The following SNRNP40 variants were observed in gnomAD, a reference collection of about 807,000 sequenced individuals.
The protein encoded by SNRNP40 is U5 small nuclear ribonucleoprotein 40 kDa protein.
Under a neutral mutation model 45.8 loss-of-function variants are expected in SNRNP40, and 21 were observed. That is an observed-to-expected ratio of 0.46 (90% confidence interval 0.32 to 0.66). SNRNP40 has a LOEUF of 0.66. Ranked by LOEUF, SNRNP40 falls within the 30% of genes least tolerant of loss-of-function variation. The pLI, the probability that SNRNP40 is intolerant of heterozygous loss-of-function variation, is 0.03. For synonymous variants in SNRNP40, 142 were observed against 163.8 expected (o/e 0.87, Z 1.01); for missense variants, 344 against 439.1 (o/e 0.78, Z 1.94).
chr1:31,260,624 A>G (rs1645851596), intron 9 of SNRNP40, among the ~76,000 whole-genome samples: 1 of 151,424 alleles, frequency 6.6e-6, no homozygotes, highest in East Asian at 2.0e-4. Context: ...CACTTTGGGA[A>G]GCTGAGGCGG....
intron 5 of SNRNP40, among the ~76,000 whole-genome samples, chr1:31,278,816 G>T (rs773154591): frequency 6.6e-6 from 1 of 152,108 alleles, no homozygotes; most frequent in South Asian, 2.1e-4. Flanking sequence ...TGGAGTTGTG[G>T]AAGTAGACGA....
chr1:31,260,191 T>C, intron 9 of SNRNP40, 70 bp from the exon 10 acceptor site: 1 of 1,046,048 alleles, frequency 9.6e-7, no homozygotes, highest in Non-Finnish European at 1.4e-6. Flanking sequence ...AGGGCTCTTG[T>C]GTCAAGAGCC....
At chr1:31,281,325 C>G in intron 5 of SNRNP40, 49 bp downstream of exon 5, 2 of 1,501,908 alleles carry the variant, frequency 1.3e-6, no homozygotes, top group Non-Finnish European at 1.8e-6. Flanking sequence ...AAATTCGTTT[C>G]TAAGTGCAGA....
intron 7 of SNRNP40, among the ~76,000 whole-genome samples, chr1:31,268,891 G>A (rs1179311969): frequency 6.6e-6 from 1 of 152,152 alleles, no homozygotes; most frequent in Non-Finnish European, 1.5e-5. Context: ...AATTAAAAAG[G>A]CCAGGAGTCT....
intron 2 of SNRNP40, among the ~76,000 whole-genome samples, chr1:31,292,641 A>T (rs1646115719): frequency 6.6e-6 from 1 of 151,988 alleles, no homozygotes; most frequent in African/African-American, 2.4e-5. Context: ...GAAGCATCTG[A>T]TTTTTTTTCC....
chr1:31,272,425 G>A (rs1422056343), intron 5 of SNRNP40, among the ~76,000 whole-genome samples: 1 of 152,160 alleles, frequency 6.6e-6, no homozygotes, highest in Non-Finnish European at 1.5e-5. Flanking sequence ...TTAAATTATG[G>A]TTCATAAGCA....
intron 9 of SNRNP40, 76 bp from the exon 10 acceptor site, chr1:31,260,197 G>C: frequency 1.0e-6 from 1 of 991,324 alleles, no homozygotes; most frequent in South Asian, 1.7e-5. Context: ...CTTGTGTCAA[G>C]AGCCAATTCT....
intron 3 of SNRNP40, among the ~76,000 whole-genome samples, chr1:31,291,215 G>A (rs537137352): frequency 1.3e-5 from 2 of 148,234 alleles, no homozygotes; most frequent in Admixed American, 7.0e-5. Flanking sequence ...GTGAACCTGG[G>A]AGGCGGAGGT....
intron 4 of SNRNP40, among the ~76,000 whole-genome samples, chr1:31,286,165 TACACAC>T (rs36080060): frequency 2.0e-5 from 3 of 150,390 alleles, no homozygotes; most frequent in Non-Finnish European, 3.0e-5. Context: ...TACATTTAGG[TACACAC>T]ACACACACAC....
At chr1:31,262,935 G>A (rs12738651) in intron 8 of SNRNP40, among the ~76,000 whole-genome samples, 3 of 151,892 alleles carry the variant, frequency 2.0e-5, no homozygotes, top group Non-Finnish European at 4.4e-5. Flanking sequence ...CCAGCACGTA[G>A]AGGCTGCAGT....
Position 31,296,717 on chromosome 1 carries a change from A to C in SNRNP40, c.35T>G (p.Leu12Trp), listed in dbSNP as rs745855512. Residue 12 changes from leucine to tryptophan, a missense_variant, in exon 1 of 10, where the codon TTG becomes TGG. Physicochemically the swap from Leu to Trp is moderately conservative, Grantham distance 61. Around this residue, in one of 2 missense-constraint regions of SNRNP40, gnomAD observed 90 missense variants for 58.9 expected, o/e 1.53. Coordinates refer to ENST00000263694, the MANE Select transcript of SNRNP40 (RefSeq NM_004814.3). Reference sequence around the variant, plus strand: ...CTGCCGCTTGACTGGAACCAGCGGCAACTCTGGGCCCTTACGCTTCTGCTG... The same window carrying C: ...CTGCCGCTTGACTGGAACCAGCGGCCACTCTGGGCCCTTACGCTTCTGCTG... ...IEQQKRKGPELPLVPVKRQRH... is the reference protein window; with the variant it reads ...IEQQKRKGPEWPLVPVKRQRH... The C allele has an allele frequency of 6.2e-7, 1 of 1,613,492 alleles. No individual in the cohort carries two copies. The highest frequency in any genetic ancestry group is 2.2e-5 in the East Asian group (1 of 44,818).
At chr1:31,261,679 G>T in intron 8 of SNRNP40, 47 bp from the exon 9 acceptor site, 1 of 1,247,408 alleles carries the variant, frequency 8.0e-7, no homozygotes, top group South Asian at 1.2e-5. Context: ...TAGAGCTGGG[G>T]GTAGGACAGA....
intron 8 of SNRNP40, among the ~76,000 whole-genome samples, chr1:31,264,139 T>A (rs541490351): frequency 3.4e-4 from 52 of 152,164 alleles, no homozygotes; most frequent in Non-Finnish European, 6.0e-4. Flanking sequence ...CATTCACCAG[T>A]ACTGGATTAT....
intron 5 of SNRNP40, among the ~76,000 whole-genome samples, chr1:31,280,737 T>C (rs1646010914): frequency 6.6e-6 from 1 of 151,284 alleles, no homozygotes; most frequent in Non-Finnish European, 1.5e-5. Context: ...GCTCATTTAA[T>C]CCCCACAATG....
rs781638018 is a variant in SNRNP40, at chr1:31,271,430, T to G, written c.724A>C (p.Ser242Arg). The change falls in exon 6 of 10, where the codon AGT (serine) becomes CGT (arginine). Residue 242 changes from serine to arginine, a missense_variant. Physicochemically the swap from Ser to Arg is moderately radical, Grantham distance 110. Coordinates refer to ENST00000263694, the MANE Select transcript of SNRNP40 (RefSeq NM_004814.3). ...RGHADSVTGLSLSSEGSYLLS... is the reference protein window; with the variant it reads ...RGHADSVTGLRLSSEGSYLLS... ...AGATAAGAGCCTTCAGAACTTAAACTCAGGCCAGTCACTGAATCTGCATGG... is the reference window on the plus strand; with the variant it reads ...AGATAAGAGCCTTCAGAACTTAAACGCAGGCCAGTCACTGAATCTGCATGG... 3 of 1,613,982 alleles carry G rather than the reference T, an allele frequency of 1.9e-6. No individual in the cohort carries two copies. Among genetic ancestry groups the G allele is most frequent in the Non-Finnish European group, 2.5e-6 (3 of 1,179,890 alleles).
intron 6 of SNRNP40, 69 bp downstream of exon 6, chr1:31,271,310 T>C (rs1645936370): frequency 1.3e-6 from 2 of 1,493,342 alleles, no homozygotes; most frequent in Non-Finnish European, 1.8e-6. Flanking sequence ...TCTAATCGTC[T>C]GATGGAATCT....
At chr1:31,290,445 C>G (rs373386900) in intron 3 of SNRNP40, among the ~76,000 whole-genome samples, 1 of 152,094 alleles carries the variant, frequency 6.6e-6, no homozygotes, top group Non-Finnish European at 1.5e-5. Flanking sequence ...GACTACCTAA[C>G]AATGTAATTA....
intron 4 of SNRNP40, among the ~76,000 whole-genome samples, chr1:31,288,037 C>A (rs760833181): frequency 2.6e-5 from 4 of 151,902 alleles, no homozygotes; most frequent in Non-Finnish European, 5.9e-5. Context: ...GTGGTGTGCA[C>A]CTGTAATCCC....
chr1:31,295,866 C>T (rs1646148694), intron 1 of SNRNP40, among the ~76,000 whole-genome samples: 1 of 152,210 alleles, frequency 6.6e-6, no homozygotes, highest in Non-Finnish European at 1.5e-5. Context: ...CAATTCTAGA[C>T]CTATTTTGAG....
Sources: gnomAD v4.1 joint callset for allele counts (sites outside exome capture counted in the v4.1 genomes callset) on GRCh38, gnomAD v4.1.1 for gene constraint, gnomAD v4.1.1 regional missense constraint, MANE v1.5 for transcripts, NCBI Gene and HGNC (gene_info 2026-07-23, HGNC 2026-07-21) for gene names.